The following PRRC2B variants were observed in gnomAD, a reference collection of about 807,000 sequenced individuals.
PRRC2B encodes the protein protein PRRC2B.
A neutral mutation model predicts 242.3 loss-of-function variants in PRRC2B; 68 were observed. The observed-to-expected ratio is 0.28, with a 90% confidence interval of 0.23 to 0.34. The LOEUF is 0.34. PRRC2B is among the 10% of genes least tolerant of loss of function. PRRC2B has a pLI of 1.00. For synonymous variants in PRRC2B, 1,228 were observed against 1,173.6 expected (o/e 1.05, Z -0.95); for missense variants, 2,835 against 2,954.8 (o/e 0.96, Z 0.94).
chr9:131,406,996 G>A (rs1339116324), intron 1 of PRRC2B, among the ~76,000 whole-genome samples: 1 of 152,214 alleles, frequency 6.6e-6, no homozygotes, highest in Admixed American at 6.5e-5. Flanking sequence ...CTGGAAGGTG[G>A]GAGGTGTGAC....
intron 3 of PRRC2B, among the ~76,000 whole-genome samples, chr9:131,435,747 A>G (rs1029920514): frequency 6.6e-6 from 1 of 152,234 alleles, no homozygotes; most frequent in Admixed American, 6.5e-5. Flanking sequence ...ATTAAAAGCA[A>G]AAGGAAGATC....
intron 1 of PRRC2B, among the ~76,000 whole-genome samples, chr9:131,385,406 C>T (rs899271271): frequency 7.3e-5 from 11 of 149,978 alleles, no homozygotes; most frequent in South Asian, 4.2e-4. Context: ...CAGGAGCCAG[C>T]CCTCACTGGC....
chr9:131,426,244 A>G lies in PRRC2B; in HGVS notation c.-51-3850A>G, dbSNP rs189138468. 1.0e-2 allele frequency among the ~76,000 whole-genome samples: 1,495 copies of G among 149,968 alleles called. 22 individuals carry two copies. The highest frequency in any genetic ancestry group is 0.013 in the Non-Finnish European group (858 of 67,658). The stretch of plus-strand genomic sequence containing the variant: ...GCCCAGCTACTCAGGAGGCTGACAC[A>G]GGAGAATTGCTTGAATCTGGGAGGT... On this transcript the variant is annotated intron_variant, in intron 1 of 31. Coordinates refer to ENST00000683519, the MANE Select transcript of PRRC2B (RefSeq NM_013318.4).
At chr9:131,399,382 A>G (rs897960885) in intron 1 of PRRC2B, among the ~76,000 whole-genome samples, 45 of 151,810 alleles carry the variant, frequency 3.0e-4, no homozygotes, top group African/African-American at 1.1e-3. Context: ...GATCGAGACC[A>G]TCCTGGCTAA....
chr9:131,483,541 C>T (rs1202496092), intron 23 of PRRC2B, 96 bp downstream of exon 23: 4 of 1,096,388 alleles, frequency 3.6e-6, no homozygotes, highest in African/African-American at 3.1e-5. Context: ...CTGACCTGGG[C>T]TGGCACGTGA....
At chr9:131,424,665 G>A (rs998506155) in intron 1 of PRRC2B, among the ~76,000 whole-genome samples, 7 of 152,118 alleles carry the variant, frequency 4.6e-5, no homozygotes, top group Admixed American at 3.9e-4. Flanking sequence ...CAGCCCGGGC[G>A]ACAGTGTGAG....
At chr9:131,381,487 C>T (rs1383232008) in intron 1 of PRRC2B, among the ~76,000 whole-genome samples, 18 of 146,444 alleles carry the variant, frequency 1.2e-4, no homozygotes, top group Admixed American at 2.1e-4. Context: ...GGTGCGATCT[C>T]GGCTCGCTGC....
intron 1 of PRRC2B, among the ~76,000 whole-genome samples, chr9:131,401,463 C>T (rs1033478852): frequency 1.3e-5 from 2 of 151,476 alleles, no homozygotes; most frequent in Non-Finnish European, 2.9e-5. Context: ...CTCACTGCAA[C>T]CTCAGCCTCT....
At chr9:131,441,657 G>A (rs537098538) in intron 5 of PRRC2B, among the ~76,000 whole-genome samples, 1 of 152,338 alleles carries the variant, frequency 6.6e-6, no homozygotes, top group East Asian at 1.9e-4. Flanking sequence ...CTAGAGTCAT[G>A]CATCTGTGAC....
At chr9:131,445,928 C>T (rs1161944790) in intron 6 of PRRC2B, among the ~76,000 whole-genome samples, 2 of 152,226 alleles carry the variant, frequency 1.3e-5, no homozygotes, top group Non-Finnish European at 2.9e-5. Context: ...CCTTGCCTGT[C>T]TTGTGGGCTG....
At chr9:131,416,697 A>G (rs1217947099) in intron 1 of PRRC2B, among the ~76,000 whole-genome samples, 1 of 152,008 alleles carries the variant, frequency 6.6e-6, no homozygotes, top group Non-Finnish European at 1.5e-5. Flanking sequence ...GTGACAATTA[A>G]GTTTTTGATG....
chr9:131,432,089 T>C (rs1838195303), intron 2 of PRRC2B, among the ~76,000 whole-genome samples: 1 of 152,166 alleles, frequency 6.6e-6, no homozygotes, highest in Non-Finnish European at 1.5e-5. Flanking sequence ...CCACCACGCC[T>C]GGTGTGTTAT....
In PRRC2B at chr9:131,494,979, G is replaced by A. The variant is rs948480834; in HGVS notation, c.6555+493G>A. On this transcript the variant is annotated intron_variant, in intron 31 of 31. Coordinates refer to ENST00000683519, the MANE Select transcript of PRRC2B (RefSeq NM_013318.4). The surrounding 1 kb of genome is among the most constrained non-coding windows in gnomAD (Gnocchi z 4.3). ...TATTCTCTTCTCTATTCTCTAAAAC[G>A]TGCTGGGGCTCAGAGCTTAAGCCCC... 1.3e-5 allele frequency among the ~76,000 whole-genome samples: 2 copies of A among 152,200 alleles called. No homozygotes were observed. The highest frequency in any genetic ancestry group is 4.8e-5 in the African/African-American group (2 of 41,440).
chr9:131,402,576 G>A (rs144582573), intron 1 of PRRC2B, among the ~76,000 whole-genome samples: 42 of 152,058 alleles, frequency 2.8e-4, no homozygotes, highest in South Asian at 2.1e-4. Context: ...AAATGCATCC[G>A]GAAGCAGAAT....
At chr9:131,491,619 G>T (rs189489376) in intron 29 of PRRC2B, 39 bp downstream of exon 29, 2 of 1,549,192 alleles carry the variant, frequency 1.3e-6, no homozygotes, top group Non-Finnish European at 1.7e-6. Flanking sequence ...TAGGGAGGGG[G>T]CCTTGTGTCA....
Position 131,430,068 on chromosome 9 carries a change from T to C in PRRC2B, c.-51-26T>C, listed in dbSNP as rs552729118. The C allele has an allele frequency of 5.4e-4, 375 of 690,116 alleles. 1 individual carries two copies. In the African/African-American group the frequency reaches 6.1e-3, roughly 11 times the overall value. 42.7% of individuals were successfully genotyped at this position (690,116 alleles called of 1,614,324 possible). On this transcript the variant is annotated intron_variant, in intron 1 of 31. Transcript: ENST00000683519. ...TTTTTTTTTTTCTCTCTCTTTTTTT[T>C]TTTTTCTTCTCTATTTCAAAGGCAG...
chr9:131,497,324 TTAAG>T lies in PRRC2B; in HGVS notation c.*1455_*1458del, dbSNP rs1031577293. On this transcript the variant is annotated 3_prime_UTR_variant, in exon 32 of 32. Transcript: ENST00000683519. ...GAGCCATCGTGTGCTGGGCTTGTTT[TTAAG>T]TAAGAAACAAGGAAATCACTCCAGA... The T allele has an allele frequency of 6.6e-6, 1 of 152,294 alleles. No individual in the cohort carries two copies. The highest frequency in any genetic ancestry group is 2.4e-5 in the African/African-American group (1 of 41,464). 9.4% of individuals were successfully genotyped at this position (152,294 alleles called of 1,614,324 possible). A position where few individuals can be genotyped will look rare whatever the true frequency, so the allele number is the denominator to read the frequency against.
Position 131,494,668 on chromosome 9 carries a change from C to T in PRRC2B, c.6555+182C>T, listed in dbSNP as rs995233001. ...CGTCCCTCCTGGCGAAGGCATTTCT[C>T]CTCTTGACGGGCGTCTGGATCCTTC... On this transcript the variant is annotated intron_variant, in intron 31 of 31. Transcript: ENST00000683519. This position sits in a 1 kb window ranked among gnomAD's most constrained non-coding sequence, Gnocchi z 4.3. Among the ~76,000 whole-genome samples the T allele has an allele frequency of 1.2e-4, 19 of 152,222 alleles. No homozygotes were observed. The highest frequency in any genetic ancestry group is 1.8e-4 in the Non-Finnish European group (12 of 68,036).
rs1409923092 is a variant in PRRC2B, at chr9:131,430,157, T to G, written c.13T>G (p.Leu5Val). ...ACATTTCATCGCAATGTCCGATCGTTTGGGGCAAATTACCAAGGGCAAGGA... is the reference window on the plus strand; with the variant it reads ...ACATTTCATCGCAATGTCCGATCGTGTGGGGCAAATTACCAAGGGCAAGGA... MSDR[L>V]GQITKGKDGK... The change falls in exon 2 of 32, where the codon TTG becomes GTG. Residue 5 changes from leucine to valine, a missense_variant. By Grantham distance (32) the Leu-to-Val change is conservative. This residue lies in a region of PRRC2B where 626 missense variants were observed against 685.5 expected (regional missense o/e 0.91). Transcript: ENST00000683519. The G allele has an allele frequency of 6.2e-7, 1 of 1,604,122 alleles. No homozygotes were observed. The highest frequency in any genetic ancestry group is 1.7e-5 in the Admixed American group (1 of 58,674).
Sources: gnomAD v4.1 joint callset for allele counts (sites outside exome capture counted in the v4.1 genomes callset) on GRCh38, gnomAD v4.1.1 for gene constraint, gnomAD v4.1.1 regional missense constraint, Gnocchi (gnomAD v3.1) non-coding constraint, MANE v1.5 for transcripts, NCBI Gene and HGNC (gene_info 2026-07-23, HGNC 2026-07-21) for gene names.